The following AP1S3 variants were observed in gnomAD, a reference collection of about 807,000 sequenced individuals.
AP1S3 encodes adaptor related protein complex 1 subunit sigma 3.
Under a neutral mutation model 20.9 loss-of-function variants are expected in AP1S3, and 10 were observed. That is an observed-to-expected ratio of 0.48 (90% CI 0.29 to 0.81). The LOEUF is 0.81. Among genes scored for constraint, AP1S3 ranks in the 30% least tolerant of loss-of-function variants. The probability of loss-of-function intolerance (pLI) is 0.08; values close to 1 mark genes in which losing one functional copy is unlikely to be tolerated. For synonymous variants in AP1S3, 41 were observed against 61.5 expected, an observed-to-expected ratio of 0.67 and a Z score of 1.56; for missense variants, 154 against 183.8, an observed-to-expected ratio of 0.84 and a Z score of 0.94.
Position 223,758,742 on chromosome 2 carries a change from T to A in AP1S3, c.438A>T (p.Glu146Asp). The change falls in exon 5 of 5, where the codon GAA (glutamate) becomes GAT (aspartate). Residue 146 changes from glutamate to aspartate, a missense_variant. By Grantham distance (45) the Glu-to-Asp change is conservative (BLOSUM62 2). Coordinates refer to ENST00000396654, the MANE Select transcript of AP1S3 (RefSeq NM_001039569.2). ...AAAATGTAGGCTTGTTCATGTATTC[T>A]TCCATTGTCTGAAAGCGAACAATAA... The part of the protein sequence containing the change: ...EDSDMLQETM[E>D]EYMNKPTF 6.2e-7 allele frequency: 1 copy of A among 1,610,114 alleles called. No individual in the cohort carries two copies. Among genetic ancestry groups the A allele is most frequent in the Non-Finnish European group, 8.5e-7 (1 of 1,178,370 alleles).
At chr2:223,823,096 T>C (rs1390983680) in intron 1 of AP1S3, among the ~76,000 whole-genome samples, 2 of 152,202 alleles carry the variant, frequency 1.3e-5, no homozygotes, top group East Asian at 1.9e-4. Context: ...AGATAATAAG[T>C]GTTAGCAAGG....
At chr2:223,783,159 T>C (rs1007826473) in intron 1 of AP1S3, among the ~76,000 whole-genome samples, 16 of 152,124 alleles carry the variant, frequency 1.1e-4, no homozygotes, top group Non-Finnish European at 1.9e-4. Context: ...CTTTCAATAA[T>C]ATTGTTGGGA....
At chr2:223,802,313 T>TC (rs1691489178) in intron 1 of AP1S3, among the ~76,000 whole-genome samples, 1 of 151,930 alleles carries the variant, frequency 6.6e-6, no homozygotes, top group African/African-American at 2.4e-5. Context: ...TTTTATTTTT[T>TC]TTTTTTGGAG....
chr2:223,789,410 G>A (rs905440094), intron 1 of AP1S3, among the ~76,000 whole-genome samples: 4 of 152,166 alleles, frequency 2.6e-5, no homozygotes, highest in Admixed American at 6.5e-5. Context: ...GCAGTGGAAT[G>A]CTTGTAGTCC....
chr2:223,803,379 A>C (rs911838648), intron 1 of AP1S3, among the ~76,000 whole-genome samples: 4 of 152,214 alleles, frequency 2.6e-5, no homozygotes, highest in Admixed American at 6.5e-5. Context: ...TTTTAGTGTT[A>C]CTAAATGTTA....
At chr2:223,774,124 G>C (rs1479163103) in intron 3 of AP1S3, among the ~76,000 whole-genome samples, 1 of 152,162 alleles carries the variant, frequency 6.6e-6, no homozygotes, top group East Asian at 1.9e-4. Context: ...CAGCACGTTG[G>C]GAGGCCAAGG....
intron 1 of AP1S3, among the ~76,000 whole-genome samples, chr2:223,824,798 G>A (rs1441680130): frequency 6.6e-6 from 1 of 152,178 alleles, no homozygotes; most frequent in East Asian, 1.9e-4. Flanking sequence ...GCCTCCCAAA[G>A]TGCTGGGATT....
chr2:223,810,745 A>C (rs1312237395), intron 1 of AP1S3, among the ~76,000 whole-genome samples: 1 of 152,238 alleles, frequency 6.6e-6, no homozygotes, highest in Non-Finnish European at 1.5e-5. Flanking sequence ...ACTTCAAAAA[A>C]AAAATACTAT....
In AP1S3 at chr2:223,757,091, G is replaced by T; in HGVS notation, c.*1624C>A. 7.0e-6 allele frequency: 5 copies of T among 712,608 alleles called. No individual in the cohort carries two copies. The highest frequency in any genetic ancestry group is 6.9e-6 in the Non-Finnish European group (4 of 581,240). 44.1% of individuals were successfully genotyped at this position (712,608 alleles called of 1,614,324 possible). A position where few individuals can be genotyped will look rare whatever the true frequency, so the allele number is the denominator to read the frequency against. On this transcript the variant is annotated 3_prime_UTR_variant, in exon 5 of 5. Coordinates refer to ENST00000396654, the MANE Select transcript of AP1S3 (RefSeq NM_001039569.2). ...TGCAACCTCTGCCTCCTGGGTTCAA[G>T]CCATTCCCCTGCCTCAGCCCCCTGA... is the stretch of plus-strand genomic sequence containing the variant.
chr2:223,760,025 T>TA (rs952670720), intron 4 of AP1S3, among the ~76,000 whole-genome samples: 4 of 151,294 alleles, frequency 2.6e-5, no homozygotes, highest in African/African-American at 9.7e-5. Flanking sequence ...TTTCAGCATT[T>TA]AAAAAAAAAT....
At chr2:223,762,522 C>T (rs550035007) in intron 4 of AP1S3, among the ~76,000 whole-genome samples, 53 of 152,234 alleles carry the variant, frequency 3.5e-4, no homozygotes, top group African/African-American at 1.2e-3. Flanking sequence ...ATCCGCCCAC[C>T]TCGGCCTCCC....
At chr2:223,798,177 A>T (rs7572834) in intron 1 of AP1S3, among the ~76,000 whole-genome samples, 82,853 of 152,068 alleles carry the variant, frequency 0.54, 23,048 homozygotes, top group East Asian at 0.67. Flanking sequence ...AAATCTCCAC[A>T]ATCTCAGAAT....
At chr2:223,789,454 T>C (rs1208983159) in intron 1 of AP1S3, among the ~76,000 whole-genome samples, 1 of 152,128 alleles carries the variant, frequency 6.6e-6, no homozygotes. Flanking sequence ...GGAGGATCAC[T>C]TGAGCCCAGG....
chr2:223,780,339 AGAGAGAGAGAGAGAGAGAGTGTGT>A (rs1240661991), intron 1 of AP1S3, among the ~76,000 whole-genome samples: 154 of 124,522 alleles, frequency 1.2e-3, no homozygotes, highest in African/African-American at 4.8e-3. Context: ...AGAGAGAGAG[AGAGAGAGAGAGAGAGAGAGTGTGT>A]GTGTGTGTGT....
At chr2:223,774,372 TAATAAATA>T (rs56121039) in intron 3 of AP1S3, among the ~76,000 whole-genome samples, 14,192 of 145,402 alleles carry the variant, frequency 0.098, 1,240 homozygotes, top group African/African-American at 0.23. Context: ...TCTCAATAAA[TAATAAATA>T]AATAAATAAA....
chr2:223,773,870 G>A (rs1158401276), intron 3 of AP1S3, among the ~76,000 whole-genome samples: 1 of 152,236 alleles, frequency 6.6e-6, no homozygotes, highest in African/African-American at 2.4e-5. Flanking sequence ...TCTTGAAACT[G>A]TGAAATGGAT....
intron 1 of AP1S3, among the ~76,000 whole-genome samples, chr2:223,802,015 A>G (rs1186503243): frequency 1.3e-5 from 2 of 152,362 alleles, no homozygotes; most frequent in East Asian, 3.9e-4. Context: ...ATCTGAGGCC[A>G]TCTAACTAGT....
In AP1S3 at chr2:223,805,202, G is replaced by T. The variant is rs1691551622; in HGVS notation, c.4-27333C>A. 2.0e-5 allele frequency among the ~76,000 whole-genome samples: 3 copies of T among 152,216 alleles called. No individual in the cohort carries two copies. In the South Asian group the frequency reaches 6.2e-4, roughly 32 times the overall value. On this transcript the variant is annotated intron_variant, in intron 1 of 4. Coordinates refer to ENST00000396654, the MANE Select transcript of AP1S3 (RefSeq NM_001039569.2). ...GCCTCTAATCCGAGCACTTTGAGGG[G>T]CTGAAGTGGGTGGATCACCTGAGGT...
intron 3 of AP1S3, 129 bp from the exon 4 acceptor site, chr2:223,765,479 T>C: frequency 1.0e-6 from 1 of 969,804 alleles, no homozygotes; most frequent in Non-Finnish European, 1.5e-6. Flanking sequence ...GATGGCATTT[T>C]AAGGACAGAA....
Sources: allele counts gnomAD v4.1 joint callset (sites outside exome capture counted in the v4.1 genomes callset), GRCh38; gene constraint gnomAD v4.1.1; transcripts MANE v1.5; gene names NCBI Gene and HGNC (gene_info 2026-07-23, HGNC 2026-07-21).